Variants in TENM4 observed in about 807,000 individuals in gnomAD.
TENM4 encodes the protein teneurin transmembrane protein 4.
Under a neutral mutation model 243.3 loss-of-function variants are expected in TENM4, and 82 were observed. The ratio of observed to expected loss-of-function variants is 0.34; its 90% CI spans 0.28 to 0.40. The LOEUF (loss-of-function observed/expected upper bound fraction) is 0.40, where lower values mean the gene tolerates loss of function less well. TENM4 is among the 10% of genes least tolerant of loss of function. The pLI is 1.00. For missense variants in TENM4, 3,138 were observed against 3,673.3 expected (o/e 0.85, Z 3.77); for synonymous variants, 1,412 against 1,456.3 (o/e 0.97, Z 0.69).
At chr11:78,987,889 C>T (rs150274864) in intron 6 of TENM4, among the ~76,000 whole-genome samples, 46 of 152,184 alleles carry the variant, frequency 3.0e-4, no homozygotes, top group Middle Eastern at 3.4e-3. Context: ...TCCCCCAGGC[C>T]ATTCACCCAC....
At chr11:78,925,569 C>G (rs1386085415) in intron 6 of TENM4, among the ~76,000 whole-genome samples, 1 of 152,108 alleles carries the variant, frequency 6.6e-6, no homozygotes, top group African/African-American at 2.4e-5. Context: ...ACCAGTTGTG[C>G]TGGAAAGATT....
chr11:79,358,827 A>G (rs971415415), intron 1 of TENM4, among the ~76,000 whole-genome samples: 25 of 152,066 alleles, frequency 1.6e-4, no homozygotes, highest in African/African-American at 6.0e-4. Flanking sequence ...CATTCAATAA[A>G]TACTAACTGA....
rs1224544532 is a variant in TENM4, at chr11:78,702,257, G to C, written c.4356C>G (p.Gly1452=). Residue 1452 remains glycine, a synonymous_variant, in exon 28 of 34, where the codon GGC becomes GGG. Transcript: ENST00000278550. ...CCTTGCTTAGCAGGAAGTGGTCAAT[G>C]CCAGGGACCTGGCAGTGCATGGGCC... is the stretch of plus-strand genomic sequence containing the variant. The part of the protein sequence containing the change: ...AGRPMHCQVP[G]IDHFLLSKVA... The C allele has an allele frequency of 6.2e-7, 1 of 1,613,932 alleles. No individual in the cohort carries two copies. The highest frequency in any genetic ancestry group is 8.5e-7 in the Non-Finnish European group (1 of 1,179,918).
chr11:78,795,509 T>C (rs1018952705), intron 15 of TENM4, among the ~76,000 whole-genome samples: 13 of 152,334 alleles, frequency 8.5e-5, no homozygotes, highest in African/African-American at 2.9e-4. Context: ...ATGGTGATAA[T>C]GATATCTATC....
chr11:78,806,724 T>C (rs1401218232), intron 14 of TENM4, among the ~76,000 whole-genome samples: 1 of 152,224 alleles, frequency 6.6e-6, no homozygotes, highest in African/African-American at 2.4e-5. Context: ...TTTACCACCT[T>C]AGCCACTGTT....
intron 6 of TENM4, among the ~76,000 whole-genome samples, chr11:78,952,771 G>A (rs1283270257): frequency 6.6e-6 from 1 of 152,108 alleles, no homozygotes; most frequent in East Asian, 1.9e-4. Flanking sequence ...ATGTTTTCCT[G>A]TTTCTCCTTT....
chr11:79,144,722 A>G (rs1434769020), intron 4 of TENM4, among the ~76,000 whole-genome samples: 2 of 152,068 alleles, frequency 1.3e-5, no homozygotes, highest in Admixed American at 6.6e-5. Flanking sequence ...TGTGGGAACT[A>G]AAAATTAAAA....
chr11:78,975,868 G>A (rs1291708873), intron 6 of TENM4, among the ~76,000 whole-genome samples: 2 of 152,086 alleles, frequency 1.3e-5, no homozygotes, highest in Non-Finnish European at 2.9e-5. Context: ...CACTGTGGAA[G>A]GCCCTTGATG....
chr11:79,276,375 T>A (rs1417015944), intron 2 of TENM4, among the ~76,000 whole-genome samples: 1 of 152,180 alleles, frequency 6.6e-6, no homozygotes, highest in Non-Finnish European at 1.5e-5. Flanking sequence ...TCTTCTAACC[T>A]GCACAGAAGG....
intron 19 of TENM4, among the ~76,000 whole-genome samples, chr11:78,740,196 C>T (rs190132713): frequency 2.1e-4 from 32 of 152,288 alleles, no homozygotes; most frequent in Admixed American, 7.8e-4. Flanking sequence ...CAGTAACTGC[C>T]GTATGAAGTA....
intron 2 of TENM4, among the ~76,000 whole-genome samples, chr11:79,265,096 C>A (rs527733019): frequency 2.0e-5 from 3 of 152,302 alleles, no homozygotes; most frequent in African/African-American, 7.2e-5. Context: ...GCACACACAG[C>A]CTACAGCCCT....
At chr11:79,119,708 C>A (rs1378619061) in intron 4 of TENM4, among the ~76,000 whole-genome samples, 2 of 152,180 alleles carry the variant, frequency 1.3e-5, no homozygotes, top group Non-Finnish European at 2.9e-5. Flanking sequence ...GAGGAAGTAG[C>A]CACAACAGCC....
intron 4 of TENM4, among the ~76,000 whole-genome samples, chr11:79,100,345 G>C (rs116582162): frequency 1.3e-5 from 2 of 151,812 alleles, no homozygotes; most frequent in Non-Finnish European, 2.9e-5. Context: ...AGCCTCTTCC[G>C]TGCCCAGTGG....
At chr11:78,707,042 A>G (rs575636032) in intron 27 of TENM4, among the ~76,000 whole-genome samples, 12 of 152,262 alleles carry the variant, frequency 7.9e-5, no homozygotes, top group African/African-American at 2.6e-4. Flanking sequence ...CAGCATCCAC[A>G]AGGCTCTGTG....
intron 6 of TENM4, among the ~76,000 whole-genome samples, chr11:79,038,674 T>C (rs1212649686): frequency 1.3e-5 from 2 of 152,238 alleles, no homozygotes; most frequent in Non-Finnish European, 2.9e-5. Context: ...TCTGTTGCTT[T>C]TCTAGCTGCA....
intron 2 of TENM4, among the ~76,000 whole-genome samples, chr11:79,280,031 T>C (rs1240303259): frequency 1.3e-5 from 2 of 149,816 alleles, no homozygotes; most frequent in Non-Finnish European, 2.9e-5. Flanking sequence ...CTGGAGGATG[T>C]GGCAGCAAAA....
At chr11:79,328,129 G>A (rs1446593746) in intron 1 of TENM4, among the ~76,000 whole-genome samples, 1 of 152,174 alleles carries the variant, frequency 6.6e-6, no homozygotes, top group East Asian at 1.9e-4. Flanking sequence ...CTCTATTGAA[G>A]TTAAGAAAAA....
At position 79,400,310 on chromosome 11, in the gene TENM4, A is replaced by AT. The variant is rs111841526; in HGVS notation, c.-321+40198dup. On this transcript the variant is annotated intron_variant, in intron 1 of 33. Coordinates refer to ENST00000278550, the MANE Select transcript of TENM4 (RefSeq NM_001098816.3). The stretch of plus-strand genomic sequence containing the variant: ...TGCTCCATGGTCCGCTTCCTTAACC[A>AT]TTTTTTTTTTTTTTAACCACACAGA... Among the ~76,000 whole-genome samples, 424 of 142,952 alleles carry AT rather than the reference A, an allele frequency of 3.0e-3. 3 individuals are homozygous for AT. Among genetic ancestry groups the AT allele is most frequent in the South Asian group, 0.027 (118 of 4,430 alleles). The allele number at this position is 142,952 out of a possible 152,430, so 93.8% of individuals were successfully genotyped here. A position where few individuals can be genotyped will look rare whatever the true frequency, so the allele number is the denominator to read the frequency against.
chr11:79,232,319 G>A (rs1469531021), intron 2 of TENM4, among the ~76,000 whole-genome samples: 7 of 152,166 alleles, frequency 4.6e-5, no homozygotes, highest in Non-Finnish European at 8.8e-5. Flanking sequence ...TGAAGAAAGG[G>A]CAGGTTAAGG....
Sources: allele counts gnomAD v4.1 joint callset (sites outside exome capture counted in the v4.1 genomes callset), GRCh38; gene constraint gnomAD v4.1.1; transcripts MANE v1.5; gene names NCBI Gene and HGNC (gene_info 2026-07-23, HGNC 2026-07-21).